The following PWWP3B variants were observed in gnomAD, a reference collection of about 807,000 sequenced individuals.
PWWP3B encodes PWWP domain-containing DNA repair factor 3B.
In PWWP3B, 5 loss-of-function variants were observed where a neutral mutation model predicts 15.7. The ratio of observed to expected loss-of-function variants is 0.32; its 90% confidence interval spans 0.17 to 0.67. PWWP3B has a LOEUF of 0.67. Ranked by LOEUF, PWWP3B falls within the 30% of genes least tolerant of loss-of-function variation. The probability of loss-of-function intolerance (pLI) is 0.74; values close to 1 mark genes in which losing one functional copy is unlikely to be tolerated. For missense variants in PWWP3B, 519 were observed against 493.1 expected (o/e 1.05, Z -0.50); for synonymous variants, 203 against 179.8 (o/e 1.13, Z -1.03).
chrX:106,183,030 AG>A (rs757623626), intron 2 of PWWP3B, among the ~76,000 whole-genome samples: 1 of 110,911 alleles, frequency 9.0e-6, no homozygotes, highest in Non-Finnish European at 1.9e-5. Flanking sequence ...ACGGTCCTGC[AG>A]GTTCCTCAGG....
intron 2 of PWWP3B, among the ~76,000 whole-genome samples, chrX:106,193,174 A>T (rs1207605216): frequency 9.0e-6 from 1 of 111,202 alleles, no homozygotes; most frequent in Admixed American, 9.5e-5. Flanking sequence ...GTGGGAGTCT[A>T]AGTCTCTTCG....
chrX:106,177,200 C>G (rs756391059), intron 2 of PWWP3B: 4 of 112,817 alleles, frequency 3.5e-5, no homozygotes, highest in Non-Finnish European at 7.5e-5. Flanking sequence ...TGCAGTTTAA[C>G]TTGGTGATCC....
At chrX:106,194,213 C>T (rs907753284) in intron 2 of PWWP3B, among the ~76,000 whole-genome samples, 10 of 111,595 alleles carry the variant, frequency 9.0e-5, no homozygotes, top group African/African-American at 3.3e-4. Context: ...CACATAGTCC[C>T]ATATTTCTTG....
intron 2 of PWWP3B, among the ~76,000 whole-genome samples, chrX:106,194,205 C>T (rs1242072783): frequency 8.9e-6 from 1 of 111,868 alleles, no homozygotes; most frequent in Non-Finnish European, 1.9e-5. Flanking sequence ...GGTCTTTTCA[C>T]ATAGTCCCAT....
chrX:106,192,452 G>C (rs1347022190), intron 2 of PWWP3B, among the ~76,000 whole-genome samples: 9 of 108,785 alleles, frequency 8.3e-5, no homozygotes, highest in Admixed American at 2.9e-4. Context: ...ATTAGTCTTG[G>C]TAGCGGTCTA....
intron 2 of PWWP3B, among the ~76,000 whole-genome samples, chrX:106,192,636 G>C (rs1356727409): frequency 9.3e-6 from 1 of 107,293 alleles, no homozygotes; most frequent in Non-Finnish European, 1.9e-5. Context: ...GTGATGTTAG[G>C]TTGTCAATTT....
intron 2 of PWWP3B, among the ~76,000 whole-genome samples, chrX:106,192,741 G>C (rs1331607113): frequency 9.0e-6 from 1 of 110,597 alleles, no homozygotes; most frequent in East Asian, 2.8e-4. Context: ...GGTATGTTGT[G>C]TCTTTGTTCT....
At chrX:106,194,642 C>G (rs1298970835) in intron 2 of PWWP3B, among the ~76,000 whole-genome samples, 1 of 111,690 alleles carries the variant, frequency 9.0e-6, no homozygotes, top group Non-Finnish European at 1.9e-5. Context: ...TCCAGTTTTT[C>G]TGCTCTTTTT....
chrX:106,207,711 A>G lies in PWWP3B; in HGVS notation c.*188A>G, dbSNP rs1242084784. ...TATTTCCTTTTCTTGCGCTTCTTCA[A>G]AGTTAATTTTGTCAACATATTTCAG... On this transcript the variant is annotated 3_prime_UTR_variant, in exon 4 of 4. Coordinates refer to ENST00000357175, the MANE Select transcript of PWWP3B (RefSeq NM_001171020.2). The G allele has an allele frequency of 2.6e-6, 1 of 391,109 alleles. No individual in the cohort carries two copies. The highest frequency in any genetic ancestry group is 4.3e-6 in the Non-Finnish European group (1 of 233,171). The allele number at this position is 391,109 out of a possible 1,213,427, so 32.2% of individuals were successfully genotyped here.
intron 2 of PWWP3B, among the ~76,000 whole-genome samples, chrX:106,193,996 G>C (rs1335451451): frequency 1.8e-5 from 2 of 111,224 alleles, no homozygotes; most frequent in African/African-American, 6.6e-5. Context: ...TTTCAACTTT[G>C]GTTAATCTGA....
In PWWP3B at chrX:106,205,498, A is replaced by T; in HGVS notation, c.66A>T (p.Arg22Ser). ...TGTGGCCAGCAAAAGTTTTGTCCAG[A>T]TCTGAAACTTCATCAAACAGTAAGA... Reference protein sequence around the residue: ...DQLWPAKVLSRSETSSNSKRK... With the variant: ...DQLWPAKVLSSSETSSNSKRK... Residue 22 changes from arginine (R) to serine (S), a missense_variant, in exon 4 of 4, where the codon AGA becomes AGT. Transcript: ENST00000357175. The T allele has an allele frequency of 8.3e-7, 1 of 1,199,448 alleles. No homozygotes were observed. The highest frequency in any genetic ancestry group is 1.1e-6 in the Non-Finnish European group (1 of 889,203).
Position 106,173,191 on chromosome X carries a change from A to G in PWWP3B, c.-401+2052A>G, listed in dbSNP as rs558641417. ...TTTGGTTGCCTTGGATAGACAGGGC[A>G]GTAGTGGCAGCTTAGAAAAGATTAG... is the stretch of plus-strand genomic sequence containing the variant. On this transcript the variant is annotated intron_variant, in intron 2 of 3. Coordinates refer to ENST00000357175, the MANE Select transcript of PWWP3B (RefSeq NM_001171020.2). 7.5e-4 allele frequency among the ~76,000 whole-genome samples: 84 copies of G among 111,499 alleles called. No homozygotes were observed. In the South Asian group the frequency reaches 0.018, roughly 24 times the overall value.
In PWWP3B at chrX:106,195,478, G is replaced by A. The variant is rs1056096096; in HGVS notation, c.-400-8507G>A. Among the ~76,000 whole-genome samples, 6 of 111,172 alleles carry A rather than the reference G, an allele frequency of 5.4e-5. No individual in the cohort carries two copies. The East Asian group carries it at 1.7e-3, about 31-fold the overall frequency. ...TAATTTTTGGTTTTATATTTAGGTCGCTAACCCATTTTGAGTAATTTTGTA... is the reference window on the plus strand; with the variant it reads ...TAATTTTTGGTTTTATATTTAGGTCACTAACCCATTTTGAGTAATTTTGTA... On this transcript the variant is annotated intron_variant, in intron 2 of 3. Coordinates refer to ENST00000357175, the MANE Select transcript of PWWP3B (RefSeq NM_001171020.2).
At chrX:106,182,497 A>G (rs887935185) in intron 2 of PWWP3B, among the ~76,000 whole-genome samples, 1 of 111,614 alleles carries the variant, frequency 9.0e-6, no homozygotes, top group Admixed American at 9.5e-5. Context: ...TTAGCTGGGT[A>G]GACAGAACTG....
intron 2 of PWWP3B, among the ~76,000 whole-genome samples, chrX:106,194,442 C>G (rs1221730730): frequency 5.4e-5 from 6 of 111,461 alleles, no homozygotes; most frequent in East Asian, 2.8e-4. Flanking sequence ...ATACATTCGT[C>G]TAATTTTTTT....
Position 106,198,627 on chromosome X carries a change from T to A in PWWP3B, c.-400-5358T>A, listed in dbSNP as rs1923517006. The stretch of plus-strand genomic sequence containing the variant: ...GTTATCTATCTTTATCATAAAAATA[T>A]TAATATTGCAGTATTAGCATTTGCT... On this transcript the variant is annotated intron_variant, in intron 2 of 3. Transcript: ENST00000357175. Among the ~76,000 whole-genome samples the A allele has an allele frequency of 2.7e-5, 3 of 111,911 alleles. No homozygotes were observed. The South Asian group carries it at 1.1e-3, about 41-fold the overall frequency.
In PWWP3B at chrX:106,205,339, A is replaced by G; in HGVS notation, c.-94A>G. 1.2e-6 allele frequency: 1 copy of G among 831,198 alleles called. No homozygotes were observed. The highest frequency in any genetic ancestry group is 1.7e-6 in the Non-Finnish European group (1 of 604,733). The allele number at this position is 831,198 out of a possible 1,213,427, so 68.5% of individuals were successfully genotyped here. A position where few individuals can be genotyped will look rare whatever the true frequency, so the allele number is the denominator to read the frequency against. ...TCATAAGACGAAAGAGGATTTGTTA[A>G]GAGTATTGTTTTGGGTAGAACTTGC... On this transcript the variant is annotated 5_prime_UTR_variant, in exon 4 of 4. Transcript: ENST00000357175.
intron 2 of PWWP3B, among the ~76,000 whole-genome samples, chrX:106,171,832 C>A (rs766814112): frequency 9.1e-6 from 1 of 110,400 alleles, no homozygotes; most frequent in Admixed American, 9.6e-5. Flanking sequence ...TAGGCAGTTG[C>A]AACACAACTG....
At chrX:106,192,140 G>A (rs140956389) in intron 2 of PWWP3B, among the ~76,000 whole-genome samples, 53 of 111,722 alleles carry the variant, frequency 4.7e-4, no homozygotes, top group Middle Eastern at 4.7e-3. Context: ...TTGTACCTCT[G>A]TTAGAATTTG....
Sources: allele counts gnomAD v4.1 joint callset (sites outside exome capture counted in the v4.1 genomes callset), GRCh38; gene constraint gnomAD v4.1.1; transcripts MANE v1.5; gene names NCBI Gene and HGNC (gene_info 2026-07-23, HGNC 2026-07-21).